Variants in RUFY3 observed in about 807,000 individuals in gnomAD.
RUFY3 encodes the protein RUN and FYVE domain containing 3, also known as protein RUFY3.
RUFY3 carries 34 observed loss-of-function variants against 84.0 expected under a neutral mutation model. The observed-to-expected ratio is 0.40, with a 90% CI of 0.31 to 0.54. The LOEUF (loss-of-function observed/expected upper bound fraction) is 0.54. Among genes scored for constraint, RUFY3 ranks in the 20% least tolerant of loss-of-function variants. The pLI, the probability that RUFY3 is intolerant of heterozygous loss-of-function variation, is 0.39. For missense variants in RUFY3, 507 were observed against 736.8 expected (o/e 0.69, Z 3.61); for synonymous variants, 242 against 252.9 (o/e 0.96, Z 0.41).
At chr4:70,755,943 T>A (rs1723940450) in intron 1 of RUFY3, among the ~76,000 whole-genome samples, 1 of 149,636 alleles carries the variant, frequency 6.7e-6, no homozygotes, top group Non-Finnish European at 1.5e-5. Context: ...AGAGCGAGAT[T>A]CTGTCTCGAA....
intron 14 of RUFY3, among the ~76,000 whole-genome samples, chr4:70,797,157 G>A (rs936706728): frequency 1.3e-5 from 2 of 151,714 alleles, no homozygotes; most frequent in African/African-American, 4.8e-5. Flanking sequence ...TGTCCAGGCT[G>A]GTCTTCAACT....
chr4:70,709,449 C>G (rs79460090), intron 1 of RUFY3, among the ~76,000 whole-genome samples: 5,408 of 152,216 alleles, frequency 0.036, 270 homozygotes, highest in African/African-American at 0.11. Flanking sequence ...TGGAGGATGC[C>G]CACTTTTGAG....
At chr4:70,783,743 T>C (rs762953363) in intron 9 of RUFY3, among the ~76,000 whole-genome samples, 1 of 152,228 alleles carries the variant, frequency 6.6e-6, no homozygotes, top group Non-Finnish European at 1.5e-5. Context: ...ACATTGACAA[T>C]TCCCTACTAA....
intron 1 of RUFY3, among the ~76,000 whole-genome samples, chr4:70,747,029 G>T (rs765185965): frequency 2.0e-5 from 3 of 152,172 alleles, no homozygotes; most frequent in Non-Finnish European, 4.4e-5. Flanking sequence ...CTACAGTTTT[G>T]CAAGATACCC....
chr4:70,727,416 C>T (rs1355163189), intron 1 of RUFY3, among the ~76,000 whole-genome samples: 5 of 138,654 alleles, frequency 3.6e-5, no homozygotes, highest in Non-Finnish European at 7.6e-5. Context: ...AGTGCAGTGG[C>T]GAGTTCCCAG....
chr4:70,789,665 C>G (rs1244195596), intron 12 of RUFY3, 73 bp downstream of exon 12: 1 of 1,506,766 alleles, frequency 6.6e-7, no homozygotes, highest in South Asian at 1.3e-5. Flanking sequence ...GCTGTACATT[C>G]GGCAAATAGA....
At chr4:70,766,720 T>C (rs557201126) in intron 4 of RUFY3, among the ~76,000 whole-genome samples, 1 of 152,200 alleles carries the variant, frequency 6.6e-6, no homozygotes, top group Non-Finnish European at 1.5e-5. Flanking sequence ...TGAACCTACA[T>C]TGACACATCA....
chr4:70,788,324 A>G (rs1188932422), intron 10 of RUFY3, among the ~76,000 whole-genome samples: 1 of 151,676 alleles, frequency 6.6e-6, no homozygotes, highest in Admixed American at 6.6e-5. Context: ...TAACCATACT[A>G]GTCATCATCC....
chr4:70,730,382 CTCATT>C (rs1370671300), intron 1 of RUFY3, among the ~76,000 whole-genome samples: 2 of 152,046 alleles, frequency 1.3e-5, no homozygotes, highest in Non-Finnish European at 2.9e-5. Context: ...AATGTATTCT[CTCATT>C]TAATTTTTAC....
exon 1 of RUFY3, chr4:70,704,885 C>T (rs999380366): frequency 2.6e-4 from 302 of 1,159,858 alleles, no homozygotes; most frequent in Non-Finnish European, 3.1e-4. Context: ...CCTCTGCTCC[C>T]CCGCCCAGGC....
chr4:70,751,439 A>G (rs1266019155), intron 1 of RUFY3, among the ~76,000 whole-genome samples: 1 of 152,224 alleles, frequency 6.6e-6, no homozygotes, highest in Non-Finnish European at 1.5e-5. Flanking sequence ...ATTTGCTTCA[A>G]TGAATAATTA....
At chr4:70,737,258 A>G (rs1466363693) in intron 1 of RUFY3, among the ~76,000 whole-genome samples, 1 of 152,050 alleles carries the variant, frequency 6.6e-6, no homozygotes, top group Non-Finnish European at 1.5e-5. Context: ...TTAAGCTAAC[A>G]GTAGTGTCCT....
Position 70,784,667 on chromosome 4 carries a change from T to A in RUFY3, c.988-129T>A, listed in dbSNP as rs142133784. ...TAAAAATGTACTAGACTTCAATTTC[T>A]TTGTTGTGTTTGTTCATTATTATAC... is the stretch of plus-strand genomic sequence containing the variant. On this transcript the variant is annotated intron_variant, in intron 9 of 17. Coordinates refer to ENST00000381006, the MANE Select transcript of RUFY3 (RefSeq NM_001037442.4). 801 of 487,664 alleles carry A rather than the reference T, an allele frequency of 1.6e-3. 9 individuals carry two copies. Among genetic ancestry groups the A allele is most frequent in the African/African-American group, 0.015 (738 of 50,064 alleles). 30.2% of individuals were successfully genotyped at this position (487,664 alleles called of 1,614,324 possible).
intron 7 of RUFY3, among the ~76,000 whole-genome samples, chr4:70,776,137 A>G (rs1371158224): frequency 1.3e-5 from 2 of 152,166 alleles, no homozygotes; most frequent in African/African-American, 4.8e-5. Flanking sequence ...CCCCCAAAGG[A>G]TATCTGAAAC....
rs964749332 is a variant in RUFY3 at position 70,791,654 on chromosome 4, A to G, written c.1337+2062A>G. Reference sequence around the variant, plus strand: ...TGCCTTTACAACCCAGTCCTTGATAATACCAGATTCTCGGTGCATTGTTCA... The same window carrying G: ...TGCCTTTACAACCCAGTCCTTGATAGTACCAGATTCTCGGTGCATTGTTCA... On this transcript the variant is annotated intron_variant, in intron 12 of 17. Coordinates refer to ENST00000381006, the MANE Select transcript of RUFY3 (RefSeq NM_001037442.4). 1.3e-5 allele frequency: 13 copies of G among 1,035,416 alleles called. No individual in the cohort carries two copies. In the African/African-American group the frequency reaches 2.1e-4, roughly 16 times the overall value. The allele number at this position is 1,035,416 out of a possible 1,614,324, so 64.1% of individuals were successfully genotyped here.
At chr4:70,739,327 A>G (rs1391696548) in intron 1 of RUFY3, among the ~76,000 whole-genome samples, 2 of 152,048 alleles carry the variant, frequency 1.3e-5, no homozygotes, top group Non-Finnish European at 2.9e-5. Context: ...TTAAAATTCC[A>G]TTCACTCTAT....
At chr4:70,748,650 T>A (rs1171584484) in intron 1 of RUFY3, among the ~76,000 whole-genome samples, 1 of 152,208 alleles carries the variant, frequency 6.6e-6, no homozygotes, top group African/African-American at 2.4e-5. Flanking sequence ...GCAAGCAGCC[T>A]GAGCATCTGC....
At chr4:70,725,117 G>A (rs150107726) in intron 1 of RUFY3, among the ~76,000 whole-genome samples, 7 of 152,192 alleles carry the variant, frequency 4.6e-5, no homozygotes, top group African/African-American at 1.4e-4. Flanking sequence ...TAGACTGACT[G>A]TGTGTACTCA....
chr4:70,721,157 C>A (rs1175479764), upstream of RUFY3, among the ~76,000 whole-genome samples: 1 of 151,724 alleles, frequency 6.6e-6, no homozygotes, highest in Non-Finnish European at 1.5e-5. Flanking sequence ...ACTAAAAATA[C>A]AAAAATTAGC....
Sources: allele counts gnomAD v4.1 joint callset (sites outside exome capture counted in the v4.1 genomes callset), GRCh38; gene constraint gnomAD v4.1.1; transcripts MANE v1.5; gene names NCBI Gene and HGNC (gene_info 2026-07-23, HGNC 2026-07-21).